The following SNX18 variants were observed in gnomAD, a reference collection of about 807,000 sequenced individuals.
SNX18 encodes sorting nexin 18.
Under a neutral mutation model 48.7 loss-of-function variants are expected in SNX18, and 35 were observed. That is an observed-to-expected ratio of 0.72 (90% CI 0.55 to 0.95). The LOEUF (loss-of-function observed/expected upper bound fraction) is 0.95. SNX18 is among the 40% of genes least tolerant of loss of function. SNX18 has a pLI of 0.00. For missense variants in SNX18, 824 were observed against 871.0 expected (o/e 0.95, Z 0.68); for synonymous variants, 492 against 384.7 (o/e 1.28, Z -3.26).
chr5:54,588,310 T>A, the SNX18 span, among the ~76,000 whole-genome samples: 1,297 of 5,754 alleles, frequency 0.23, 21 homozygotes, highest in South Asian at 0.25. Flanking sequence ...TCTATTCTTT[T>A]TTTTTTTTTT....
downstream of SNX18, among the ~76,000 whole-genome samples, chr5:54,548,076 A>C (rs1023037080): frequency 2.6e-5 from 4 of 152,166 alleles, no homozygotes; most frequent in Non-Finnish European, 5.9e-5. Context: ...GGATTGGCTC[A>C]TGGCTATAGC....
chr5:54,519,396 C>A lies in SNX18; in HGVS notation c.1444C>A (p.Gln482Lys). 2 of 1,613,736 alleles carry A rather than the reference C, an allele frequency of 1.2e-6. No individual in the cohort carries two copies. The highest frequency in any genetic ancestry group is 1.7e-6 in the Non-Finnish European group (2 of 1,179,904). Residue 482 changes from glutamine to lysine, a missense_variant, in exon 1 of 2, where the codon CAG becomes AAG. This residue lies in a region of SNX18 where 443 missense variants were observed against 503.6 expected (regional missense o/e 0.88). Coordinates refer to ENST00000381410, the MANE Select transcript of SNX18 (RefSeq NM_001102575.2). Reference sequence around the variant, plus strand: ...CCTCAGCCAGGCCTTTGAGCTGGACCAGCAGGCCTTCTCGGTGGGCCTGAA... The same window carrying A: ...CCTCAGCCAGGCCTTTGAGCTGGACAAGCAGGCCTTCTCGGTGGGCCTGAA... ...RGLSQAFELD[Q>K]QAFSVGLNQA...
At chr5:54,560,270 T>C in the SNX18 span, among the ~76,000 whole-genome samples, 1 of 152,228 alleles carries the variant, frequency 6.6e-6, no homozygotes, top group African/African-American at 2.4e-5. Context: ...ATGTTGTACA[T>C]ACACACCGTA....
intron 1 of SNX18, among the ~76,000 whole-genome samples, chr5:54,542,086 T>C (rs1762481862): frequency 6.6e-6 from 1 of 152,218 alleles, no homozygotes; most frequent in Non-Finnish European, 1.5e-5. Flanking sequence ...TTTAGTGGAA[T>C]GAGTGCTAGG....
chr5:54,617,704 C>A, the SNX18 span, among the ~76,000 whole-genome samples: 1 of 152,128 alleles, frequency 6.6e-6, no homozygotes, highest in Non-Finnish European at 1.5e-5. Context: ...GTTGATGAAT[C>A]TCTCTTTTTT....
At chr5:54,573,793 A>T in the SNX18 span, among the ~76,000 whole-genome samples, 1 of 152,184 alleles carries the variant, frequency 6.6e-6, no homozygotes, top group Non-Finnish European at 1.5e-5. Flanking sequence ...CAGGAAAAGC[A>T]GGTAAGAGAT....
the SNX18 span, among the ~76,000 whole-genome samples, chr5:54,590,454 A>C: frequency 6.6e-6 from 1 of 152,142 alleles, no homozygotes; most frequent in Non-Finnish European, 1.5e-5. Context: ...TTTTGAGCAG[A>C]AACTGCAACA....
downstream of SNX18, among the ~76,000 whole-genome samples, chr5:54,547,035 T>TG (rs1417857050): frequency 1.3e-5 from 2 of 152,252 alleles, no homozygotes; most frequent in Non-Finnish European, 2.9e-5. Flanking sequence ...GCCCTCTTTG[T>TG]GGGGCTTTGT....
At chr5:54,635,505 C>G in the SNX18 span, among the ~76,000 whole-genome samples, 1 of 152,152 alleles carries the variant, frequency 6.6e-6, no homozygotes, top group Admixed American at 6.5e-5. Flanking sequence ...GGTGCATTTC[C>G]TGGCATTTTT....
the SNX18 span, among the ~76,000 whole-genome samples, chr5:54,629,798 T>C: frequency 4.6e-5 from 7 of 152,200 alleles, no homozygotes; most frequent in Non-Finnish European, 1.0e-4. Context: ...GTCTTTCTTA[T>C]AGATTAGAAC....
At chr5:54,578,744 C>A in the SNX18 span, among the ~76,000 whole-genome samples, 4 of 152,120 alleles carry the variant, frequency 2.6e-5, no homozygotes, top group African/African-American at 9.7e-5. Flanking sequence ...TCTGGTCTTG[C>A]GAGATGACCC....
the SNX18 span, among the ~76,000 whole-genome samples, chr5:54,584,539 C>T: frequency 3.9e-5 from 6 of 152,048 alleles, no homozygotes; most frequent in Admixed American, 6.5e-5. Context: ...GGAGTGTGGC[C>T]TTGTTGTTCG....
chr5:54,642,407 C>T, the SNX18 span, among the ~76,000 whole-genome samples: 136,063 of 151,732 alleles, frequency 0.9, 61,106 homozygotes, highest in East Asian at 0.93. Context: ...TGTTTCACTG[C>T]TACAATTCCC....
the SNX18 span, among the ~76,000 whole-genome samples, chr5:54,592,577 G>A: frequency 2.0e-5 from 3 of 152,114 alleles, no homozygotes; most frequent in Non-Finnish European, 4.4e-5. Context: ...TTAACTTGTG[G>A]TCAGTCAACA....
chr5:54,644,948 G>C, the SNX18 span: 3 of 152,132 alleles, frequency 2.0e-5, no homozygotes, highest in African/African-American at 7.2e-5. Context: ...CAAGAGCATT[G>C]GCAGCACTTG....
downstream of SNX18, among the ~76,000 whole-genome samples, chr5:54,551,326 G>A (rs1462946148): frequency 6.6e-6 from 1 of 152,224 alleles, no homozygotes; most frequent in Non-Finnish European, 1.5e-5. Context: ...ACCATAGTCT[G>A]TTGTTTTATA....
At chr5:54,539,073 C>T (rs72765745) in intron 1 of SNX18, among the ~76,000 whole-genome samples, 10,056 of 152,142 alleles carry the variant, frequency 0.066, 438 homozygotes, top group South Asian at 0.12. Context: ...CACTTTATTA[C>T]GCAGGCTGGA....
At chr5:54,559,012 T>A in the SNX18 span, among the ~76,000 whole-genome samples, 1 of 150,802 alleles carries the variant, frequency 6.6e-6, no homozygotes, top group Admixed American at 6.6e-5. Flanking sequence ...GGAATACAGC[T>A]AACTAGGGAG....
At chr5:54,535,514 C>G (rs1561119750) in intron 1 of SNX18, among the ~76,000 whole-genome samples, 1 of 152,092 alleles carries the variant, frequency 6.6e-6, no homozygotes, top group East Asian at 1.9e-4. Flanking sequence ...AGGAAAGGAC[C>G]CTTTTCAACA....
Sources: gnomAD v4.1 joint callset for allele counts (sites outside exome capture counted in the v4.1 genomes callset) on GRCh38, gnomAD v4.1.1 for gene constraint, gnomAD v4.1.1 regional missense constraint, MANE v1.5 for transcripts, NCBI Gene and HGNC (gene_info 2026-07-23, HGNC 2026-07-21) for gene names.